Variants in PPP4R4 observed in about 807,000 individuals in gnomAD.
PPP4R4 encodes the protein serine/threonine-protein phosphatase 4 regulatory subunit 4.
A neutral mutation model predicts 121.8 loss-of-function variants in PPP4R4; 70 were observed. The ratio of observed to expected loss-of-function variants is 0.57; its 90% CI spans 0.47 to 0.70. PPP4R4 has a LOEUF of 0.70. PPP4R4 is among the 30% of genes least tolerant of loss of function. The pLI is 0.00. For synonymous variants in PPP4R4, 348 were observed against 355.7 expected (o/e 0.98, Z 0.24); for missense variants, 875 against 1,033.6 (o/e 0.85, Z 2.10).
chr14:94,191,425 A>G (rs1313349345), intron 2 of PPP4R4, among the ~76,000 whole-genome samples: 1 of 152,210 alleles, frequency 6.6e-6, no homozygotes, highest in Non-Finnish European at 1.5e-5. Flanking sequence ...CAATACATGT[A>G]TGCAGTGTGT....
chr14:94,195,296 C>T (rs1889811286), intron 2 of PPP4R4, among the ~76,000 whole-genome samples: 1 of 152,216 alleles, frequency 6.6e-6, no homozygotes, highest in African/African-American at 2.4e-5. Flanking sequence ...CTAAACAAGA[C>T]CAACTGAACC....
rs1199566149 is a variant in PPP4R4 at position 94,279,721 on chromosome 14, A to G, written c.*1078A>G. The G allele has an allele frequency of 6.5e-6, 1 of 152,674 alleles. No homozygotes were observed. The highest frequency in any genetic ancestry group is 1.5e-5 in the Non-Finnish European group (1 of 68,020). The allele number at this position is 152,674 out of a possible 1,614,324, so 9.5% of individuals were successfully genotyped here. On this transcript the variant is annotated 3_prime_UTR_variant, in exon 25 of 25. Transcript: ENST00000304338. ...ATAATGAATTTACTCAAAATAAAACATAGGTTAATGAGATACCTGTGTTTG... is the reference window on the plus strand; with the variant it reads ...ATAATGAATTTACTCAAAATAAAACGTAGGTTAATGAGATACCTGTGTTTG...
chr14:94,269,737 C>A (rs1267610483), intron 23 of PPP4R4, among the ~76,000 whole-genome samples: 1 of 151,938 alleles, frequency 6.6e-6, no homozygotes. Context: ...GCTTGGAATG[C>A]CAGATTGGAT....
chr14:94,231,103 T>C, intron 4 of PPP4R4, 139 bp from the exon 5 acceptor site: 4 of 666,930 alleles, frequency 6.0e-6, no homozygotes, highest in Non-Finnish European at 7.1e-6. Flanking sequence ...GACAAAATAA[T>C]AGAGAAACTT....
intron 3 of PPP4R4, among the ~76,000 whole-genome samples, chr14:94,213,520 G>A (rs2139464727): frequency 6.6e-6 from 1 of 152,252 alleles, no homozygotes; most frequent in South Asian, 2.1e-4. Flanking sequence ...TTGGAAAAGG[G>A]GTCTTTACAG....
rs114546840 is a variant in PPP4R4, at chr14:94,174,476, C to T, written c.11C>T (p.Pro4Leu). 1,708 of 1,604,048 alleles carry T rather than the reference C, an allele frequency of 1.1e-3. 9 individuals are homozygous for T. The African/African-American group carries it at 0.02, about 19-fold the overall frequency. Residue 4 changes from proline (P) to leucine (L), a missense_variant, in exon 1 of 25, where the codon CCG (proline) becomes CTG (leucine). By Grantham distance (98) the Pro-to-Leu change is moderately conservative (BLOSUM62 -3). Transcript: ENST00000304338. MHP[P>L]PPAAAMDFSQ... The stretch of plus-strand genomic sequence containing the variant: ...AGTGCCCGGCGGTCCATGCATCCGC[C>T]GCCGCCCGCCGCCGCGATGGATTTC...
At chr14:94,257,969 A>T (rs1697951222) in intron 17 of PPP4R4, among the ~76,000 whole-genome samples, 1 of 152,152 alleles carries the variant, frequency 6.6e-6, no homozygotes, top group South Asian at 2.1e-4. Flanking sequence ...ATAATGAGAC[A>T]TTAGTATGGA....
intron 3 of PPP4R4, among the ~76,000 whole-genome samples, chr14:94,209,593 G>T (rs1359501465): frequency 6.6e-6 from 1 of 151,980 alleles, no homozygotes; most frequent in Non-Finnish European, 1.5e-5. Context: ...AGTAAATCAA[G>T]CTTTTTTATA....
chr14:94,223,454 G>A (rs1891522959), intron 3 of PPP4R4, among the ~76,000 whole-genome samples: 1 of 152,168 alleles, frequency 6.6e-6, no homozygotes, highest in Non-Finnish European at 1.5e-5. Flanking sequence ...ATTCAGGACT[G>A]CCCTTATTCC....
intron 12 of PPP4R4, among the ~76,000 whole-genome samples, chr14:94,245,104 G>C (rs60098923): frequency 6.6e-6 from 1 of 151,570 alleles, no homozygotes; most frequent in Middle Eastern, 3.2e-3. Flanking sequence ...TTTATAACTT[G>C]TTTCTCTTGC....
At chr14:94,175,337 A>C (rs1802334200) in intron 1 of PPP4R4, 1 of 152,254 alleles carries the variant, frequency 6.6e-6, no homozygotes, top group African/African-American at 2.4e-5. Flanking sequence ...CATCCCCTCC[A>C]GGACTGTAGC....
chr14:94,174,590 C>T lies in PPP4R4; in HGVS notation c.117+8C>T. 1.2e-6 allele frequency: 2 copies of T among 1,610,598 alleles called. No homozygotes were observed. Among genetic ancestry groups the T allele is most frequent in the East Asian group, 2.2e-5 (1 of 44,778 alleles). ...GTCCGCCGGAGCCTCAAGGTGCGCC[C>T]CGGGGAGAGGACCTGCCCTCACGGC... On this transcript the variant is annotated splice_region_variant and intron_variant, in intron 1 of 24. Coordinates refer to ENST00000304338, the MANE Select transcript of PPP4R4 (RefSeq NM_058237.2).
At chr14:94,246,243 T>A in intron 13 of PPP4R4, 114 bp from the exon 14 acceptor site, 1 of 865,196 alleles carries the variant, frequency 1.2e-6, no homozygotes, top group East Asian at 2.8e-5. Flanking sequence ...AGATGTCTCC[T>A]AAACTCTGAA....
rs1390533366 is a variant in PPP4R4, at chr14:94,266,897, A to AC, written c.2379-62_2379-61insC. On this transcript the variant is annotated intron_variant, in intron 22 of 24. Coordinates refer to ENST00000304338, the MANE Select transcript of PPP4R4 (RefSeq NM_058237.2). ...AGAAGATTAAAACAGCACAAGTGTT[A>AC]GATGACTGAGATTGTAAGAAGTGTG... The AC allele has an allele frequency of 6.5e-5, 69 of 1,058,562 alleles. No individual in the cohort carries two copies. In the Admixed American group the frequency reaches 7.3e-4, roughly 11 times the overall value. The allele number at this position is 1,058,562 out of a possible 1,614,324, so 65.6% of individuals were successfully genotyped here. A position where few individuals can be genotyped will look rare whatever the true frequency, so the allele number is the denominator to read the frequency against.
intron 3 of PPP4R4, among the ~76,000 whole-genome samples, chr14:94,219,080 C>CTTTTTTTTTTTTTTTTTTTTTTT (rs71301922): frequency 9.3e-6 from 1 of 106,952 alleles, no homozygotes. Context: ...CTTTTCTTTT[C>CTTTTTTTTTTTTTTTTTTTTTTT]TTTTTTTTTT....
intron 3 of PPP4R4, among the ~76,000 whole-genome samples, chr14:94,225,854 G>T (rs1891670339): frequency 6.6e-6 from 1 of 152,010 alleles, no homozygotes; most frequent in Admixed American, 6.6e-5. Context: ...ACTGACTTGG[G>T]AGAAAAAAAG....
intron 23 of PPP4R4, among the ~76,000 whole-genome samples, chr14:94,269,910 C>A (rs1332347466): frequency 6.6e-6 from 1 of 152,062 alleles, no homozygotes; most frequent in Non-Finnish European, 1.5e-5. Context: ...TGGATGGGAT[C>A]CTGAGACAGA....
intron 5 of PPP4R4, among the ~76,000 whole-genome samples, chr14:94,233,405 G>GT (rs1759677683): frequency 1.3e-5 from 2 of 152,112 alleles, no homozygotes; most frequent in African/African-American, 4.8e-5. Context: ...ACAGAGCATT[G>GT]TAAAATCACC....
At position 94,279,402 on chromosome 14, in the gene PPP4R4, T is replaced by C. The variant is rs1894813939; in HGVS notation, c.*759T>C. The stretch of plus-strand genomic sequence containing the variant: ...GATGAATCTAGTCTGAATCAGCTGT[T>C]ATTCCAAGCTATCATGCTTAAGCTA... On this transcript the variant is annotated 3_prime_UTR_variant, in exon 25 of 25. Transcript: ENST00000304338. 1 of 152,668 alleles carries C rather than the reference T, an allele frequency of 6.6e-6. No individual in the cohort carries two copies. Among genetic ancestry groups the C allele is most frequent in the Admixed American group, 6.5e-5 (1 of 15,288 alleles). The allele number at this position is 152,668 out of a possible 1,614,324, so 9.5% of individuals were successfully genotyped here.
Sources: gnomAD v4.1 joint callset for allele counts (sites outside exome capture counted in the v4.1 genomes callset) on GRCh38, gnomAD v4.1.1 for gene constraint, MANE v1.5 for transcripts, NCBI Gene and HGNC (gene_info 2026-07-23, HGNC 2026-07-21) for gene names.